The following SNRNP48 variants were observed in gnomAD, a reference collection of about 807,000 sequenced individuals.
SNRNP48 encodes small nuclear ribonucleoprotein U11/U12 subunit 48, also known as U11/U12 small nuclear ribonucleoprotein 48 kDa protein.
A neutral mutation model predicts 47.0 loss-of-function variants in SNRNP48; 43 were observed. The ratio of observed to expected loss-of-function variants is 0.92; its 90% CI spans 0.72 to 1.18. The LOEUF is 1.18. SNRNP48 is among the 50% of genes most tolerant of loss of function. The pLI, the probability that SNRNP48 is intolerant of heterozygous loss-of-function variation, is 0.00. For missense variants in SNRNP48, 396 were observed against 422.2 expected (o/e 0.94, Z 0.54); for synonymous variants, 138 against 144.0 (o/e 0.96, Z 0.30).
chr6:7,602,203 G>A (rs965159100), intron 5 of SNRNP48, among the ~76,000 whole-genome samples: 4 of 152,128 alleles, frequency 2.6e-5, no homozygotes, highest in African/African-American at 7.2e-5. Context: ...GTACTGGAGG[G>A]TGTGTGTAGG....
intron 4 of SNRNP48, among the ~76,000 whole-genome samples, chr6:7,597,293 G>T (rs1759920576): frequency 6.6e-6 from 1 of 152,094 alleles, no homozygotes; most frequent in Non-Finnish European, 1.5e-5. Context: ...AAAATTTGTG[G>T]ACCAGGATTC....
At chr6:7,591,612 T>A (rs555046378) in intron 1 of SNRNP48, among the ~76,000 whole-genome samples, 1 of 152,358 alleles carries the variant, frequency 6.6e-6, no homozygotes, top group East Asian at 1.9e-4. Flanking sequence ...TGAGTGGGGC[T>A]TACCAGACCC....
At chr6:7,605,881 C>A in intron 7 of SNRNP48, 150 bp from the exon 8 acceptor site, 1 of 908,928 alleles carries the variant, frequency 1.1e-6, no homozygotes. Flanking sequence ...TTTATTTGTC[C>A]TTTTATATGG....
chr6:7,602,822 TC>T, intron 6 of SNRNP48, 78 bp downstream of exon 6: 2 of 1,379,664 alleles, frequency 1.4e-6, no homozygotes, highest in African/African-American at 1.5e-5. Flanking sequence ...TTTCCACAAT[TC>T]TTTGGAAATT....
chr6:7,609,417 G>T lies in SNRNP48; in HGVS notation c.*544G>T, dbSNP rs1250407403. ...TATTGGAGTTAAAAGAAATAATCTAGATCCATATTAACCTGGATTGGTCTC... is the reference window on the plus strand; with the variant it reads ...TATTGGAGTTAAAAGAAATAATCTATATCCATATTAACCTGGATTGGTCTC... On this transcript the variant is annotated 3_prime_UTR_variant, in exon 9 of 9. Transcript: ENST00000342415. The T allele has an allele frequency of 1.3e-5, 2 of 152,172 alleles. No individual in the cohort carries two copies. Among genetic ancestry groups the T allele is most frequent in the Non-Finnish European group, 2.9e-5 (2 of 68,020 alleles). The allele number at this position is 152,172 out of a possible 1,614,324, so 9.4% of individuals were successfully genotyped here. A position where few individuals can be genotyped will look rare whatever the true frequency, so the allele number is the denominator to read the frequency against.
At chr6:7,605,879 T>A in intron 7 of SNRNP48, 152 bp from the exon 8 acceptor site, 1 of 886,476 alleles carries the variant, frequency 1.1e-6, no homozygotes, top group Non-Finnish European at 1.7e-6. Flanking sequence ...TGTTTATTTG[T>A]CCTTTTATAT....
chr6:7,604,119 G>A (rs1760083072), intron 6 of SNRNP48, among the ~76,000 whole-genome samples: 2 of 152,346 alleles, frequency 1.3e-5, no homozygotes, highest in South Asian at 4.1e-4. Flanking sequence ...GGTGGAGCCT[G>A]AGCTAGGTGG....
At chr6:7,595,552 T>A (rs1169359063) in intron 4 of SNRNP48, among the ~76,000 whole-genome samples, 1 of 152,222 alleles carries the variant, frequency 6.6e-6, no homozygotes, top group African/African-American at 2.4e-5. Context: ...TTAACGGTAT[T>A]TTCAGTTTAT....
intron 1 of SNRNP48, among the ~76,000 whole-genome samples, chr6:7,590,921 T>G (rs7776059): frequency 0.27 from 40,800 of 152,140 alleles, 5,742 homozygotes; most frequent in African/African-American, 0.36. Flanking sequence ...GAGGCTGCAG[T>G]GAGCCGAGAT....
chr6:7,608,339 C>T (rs770740780), intron 8 of SNRNP48, among the ~76,000 whole-genome samples: 8 of 152,032 alleles, frequency 5.3e-5, no homozygotes, highest in Non-Finnish European at 7.4e-5. Context: ...GGTGGATCAC[C>T]TGAGGTCAGG....
chr6:7,590,314 C>G lies in SNRNP48; in HGVS notation c.57C>G (p.Asn19Lys), dbSNP rs753537407. 1.4e-6 allele frequency: 2 copies of G among 1,403,654 alleles called. No individual in the cohort carries two copies. The highest frequency in any genetic ancestry group is 1.9e-6 in the Non-Finnish European group (2 of 1,064,510). The allele number at this position is 1,403,654 out of a possible 1,614,324, so 86.9% of individuals were successfully genotyped here. A position where few individuals can be genotyped will look rare whatever the true frequency, so the allele number is the denominator to read the frequency against. Reference protein sequence around the residue: ...EERRRLQEELNEFVESGCRTL... With the variant: ...EERRRLQEELKEFVESGCRTL... ...GGCGGCGGCTGCAGGAGGAGCTGAA[C>G]GAGTTCGTGGAGAGCGGCTGCCGGA... Residue 19 changes from asparagine to lysine, a missense_variant, in exon 1 of 9, where the codon AAC (asparagine) becomes AAG (lysine). By Grantham distance (94) the Asn-to-Lys change is moderately conservative (BLOSUM62 0). Transcript: ENST00000342415.
rs1180005758 is a variant in SNRNP48, at chr6:7,595,299, C to T, written c.406+198C>T. On this transcript the variant is annotated intron_variant, in intron 4 of 8. Transcript: ENST00000342415. ...TTCCTGTTGAGATACACCAGAGTCT[C>T]ACTAAGACACTATCTTAGCTAGGGG... Among the ~76,000 whole-genome samples, 8 of 152,156 alleles carry T rather than the reference C, an allele frequency of 5.3e-5. No individual in the cohort carries two copies. The South Asian group carries it at 8.3e-4, about 16-fold the overall frequency.
Position 7,594,119 on chromosome 6 carries a change from G to T in SNRNP48, c.291G>T (p.Glu97Asp). 1 of 1,429,482 alleles carries T rather than the reference G, an allele frequency of 7.0e-7. No homozygotes were observed. The highest frequency in any genetic ancestry group is 9.5e-7 in the Non-Finnish European group (1 of 1,054,798). 88.5% of individuals were successfully genotyped at this position (1,429,482 alleles called of 1,614,324 possible). ...KEEEDEMYNP[E>D]FFYENVKIPS... ...TTCAGGATGAAATGTATAATCCTGA[G>T]TTTTTCTATGAAAATGTGAAGATAC... Residue 97 changes from glutamate to aspartate, a missense_variant, in exon 3 of 9, where the codon GAG becomes GAT. Physicochemically the swap from Glu to Asp is conservative, Grantham distance 45 (BLOSUM62 2). Coordinates refer to ENST00000342415, the MANE Select transcript of SNRNP48 (RefSeq NM_152551.4).
chr6:7,607,174 C>T (rs1183386627), intron 8 of SNRNP48, among the ~76,000 whole-genome samples: 2 of 152,114 alleles, frequency 1.3e-5, no homozygotes, highest in Non-Finnish European at 2.9e-5. Flanking sequence ...AAAGATTAGC[C>T]GGGTGTGGTG....
chr6:7,590,366 G>A lies in SNRNP48; in HGVS notation c.109G>A (p.Gly37Ser), dbSNP rs774375708. The A allele has an allele frequency of 7.2e-7, 1 of 1,380,272 alleles. No individual in the cohort carries two copies. The highest frequency in any genetic ancestry group is 1.9e-5 in the South Asian group (1 of 53,328). 85.5% of individuals were successfully genotyped at this position (1,380,272 alleles called of 1,614,324 possible). Residue 37 changes from glycine (G) to serine (S), a missense_variant, in exon 1 of 9, where the codon GGC becomes AGC. By Grantham distance (56) the Gly-to-Ser change is moderately conservative. Coordinates refer to ENST00000342415, the MANE Select transcript of SNRNP48 (RefSeq NM_152551.4). Reference sequence around the variant, plus strand: ...GTTGGAGGAGGTGACCGCGTCCCTGGGCTGGGACCTAGATAGTCTGGATCC... The same window carrying A: ...GTTGGAGGAGGTGACCGCGTCCCTGAGCTGGGACCTAGATAGTCTGGATCC... Reference protein sequence around the residue: ...RTLEEVTASLGWDLDSLDPGE... With the variant: ...RTLEEVTASLSWDLDSLDPGE...
intron 4 of SNRNP48, among the ~76,000 whole-genome samples, chr6:7,598,697 C>T (rs1211479372): frequency 2.0e-5 from 3 of 152,066 alleles, no homozygotes; most frequent in East Asian, 1.9e-4. Flanking sequence ...CCATCTAATT[C>T]GTATTTTGTT....
intron 4 of SNRNP48, chr6:7,599,815 T>A: frequency 8.3e-7 from 1 of 1,198,778 alleles, no homozygotes; most frequent in South Asian, 1.5e-5. Flanking sequence ...ATTATAGTCT[T>A]GAATTGGAAT....
chr6:7,603,054 T>A (rs1161455808), intron 6 of SNRNP48, among the ~76,000 whole-genome samples: 1 of 152,212 alleles, frequency 6.6e-6, no homozygotes, highest in African/African-American at 2.4e-5. Flanking sequence ...ATTCTGCTGT[T>A]TCTCATTGGC....
chr6:7,605,473 G>A lies in SNRNP48; in HGVS notation c.793G>A (p.Asp265Asn). The A allele has an allele frequency of 2.3e-5, 37 of 1,613,986 alleles. No individual in the cohort carries two copies. Among genetic ancestry groups the A allele is most frequent in the Non-Finnish European group, 3.1e-5 (37 of 1,179,926 alleles). The change falls in exon 7 of 9, where the codon GAT becomes AAT. Residue 265 changes from aspartate to asparagine, a missense_variant. By Grantham distance (23) the Asp-to-Asn change is conservative (BLOSUM62 1). Transcript: ENST00000342415. ...GCAAGAAGAGCAAGAGAAGGCAGAG[G>A]ATGATGCCGAAAAGTACGTCATTAT... ...HWQEEQEKAEDDAEKNEERRS... is the reference protein window; with the variant it reads ...HWQEEQEKAENDAEKNEERRS...
Sources: gnomAD v4.1 joint callset for allele counts (sites outside exome capture counted in the v4.1 genomes callset) on GRCh38, gnomAD v4.1.1 for gene constraint, MANE v1.5 for transcripts, NCBI Gene and HGNC (gene_info 2026-07-23, HGNC 2026-07-21) for gene names.